The following LRRN3 variants were observed in gnomAD, a reference collection of about 807,000 sequenced individuals.
LRRN3 encodes the protein leucine-rich repeat neuronal protein 3.
LRRN3 carries 15 observed loss-of-function variants against 40.1 expected under a neutral mutation model. That is an observed-to-expected ratio of 0.37 (90% confidence interval 0.25 to 0.58). The LOEUF is 0.58. LRRN3 is among the 20% of genes least tolerant of loss of function. LRRN3 has a pLI of 0.72. For synonymous variants in LRRN3, 308 were observed against 297.2 expected, an observed-to-expected ratio of 1.04 and a Z score of -0.37; for missense variants, 746 against 837.7, an observed-to-expected ratio of 0.89 and a Z score of 1.35.
At chr7:111,111,325 T>G (rs1423649352) in intron 2 of LRRN3, among the ~76,000 whole-genome samples, 2 of 148,210 alleles carry the variant, frequency 1.3e-5, no homozygotes, top group African/African-American at 2.5e-5. Context: ...AAAAAAAAGT[T>G]AATGTTAGCA....
chr7:111,117,928 T>C (rs1013864577), intron 2 of LRRN3, among the ~76,000 whole-genome samples: 2 of 152,262 alleles, frequency 1.3e-5, no homozygotes, highest in Middle Eastern at 3.4e-3. Context: ...CACACTTTGT[T>C]CTTAAGCTTT....
chr7:111,111,409 C>G lies in LRRN3; in HGVS notation c.-358-11006C>G, dbSNP rs552093766. 1.8e-4 allele frequency among the ~76,000 whole-genome samples: 27 copies of G among 151,088 alleles called. No homozygotes were observed. In the East Asian group the frequency reaches 3.3e-3, roughly 19 times the overall value. ...AAATTACACTGCTTTCCATCCCCCC[C>G]CAAAAAAAAATGGCCCGTTAGTATT... On this transcript the variant is annotated intron_variant, in intron 2 of 2. Coordinates refer to ENST00000308478, the MANE Select transcript of LRRN3 (RefSeq NM_001099658.2).
At chr7:111,111,890 G>C (rs1799249533) in intron 2 of LRRN3, among the ~76,000 whole-genome samples, 1 of 147,524 alleles carries the variant, frequency 6.8e-6, no homozygotes, top group African/African-American at 2.5e-5. Context: ...ACAGGAAAAA[G>C]GAAATGCAAA....
chr7:111,099,276 C>T (rs979850293), intron 1 of LRRN3, among the ~76,000 whole-genome samples: 4 of 151,660 alleles, frequency 2.6e-5, no homozygotes, highest in Non-Finnish European at 4.4e-5. Context: ...AAATTTTAGA[C>T]ACTTTTTTCC....
chr7:111,101,800 A>T (rs1285917364), intron 2 of LRRN3, among the ~76,000 whole-genome samples: 1 of 151,428 alleles, frequency 6.6e-6, no homozygotes, highest in Admixed American at 6.6e-5. Context: ...GTAATAATGT[A>T]AGGCTGTGGT....
chr7:111,113,247 G>A (rs1203053404), intron 2 of LRRN3, among the ~76,000 whole-genome samples: 5 of 152,136 alleles, frequency 3.3e-5, no homozygotes, highest in Non-Finnish European at 7.4e-5. Flanking sequence ...TTTCTATTCT[G>A]TCAAACTGAG....
chr7:111,105,741 T>C (rs556019419), intron 2 of LRRN3, among the ~76,000 whole-genome samples: 151 of 151,938 alleles, frequency 9.9e-4, no homozygotes, highest in African/African-American at 3.4e-3. Context: ...GTACTAACAA[T>C]TTATGCAAAA....
chr7:111,097,905 AG>A lies in LRRN3; in HGVS notation c.-440-1972del, dbSNP rs371441739. On this transcript the variant is annotated intron_variant, in intron 1 of 2. Transcript: ENST00000308478. The stretch of plus-strand genomic sequence containing the variant: ...TATATTTTGATTTCTACAAAGGCCA[AG>A]GGGTTAATGACCTTAAACTGCAGGT... 2.1e-3 allele frequency among the ~76,000 whole-genome samples: 325 copies of A among 151,996 alleles called. 2 individuals are homozygous for A. The highest frequency in any genetic ancestry group is 7.3e-3 in the African/African-American group (304 of 41,528).
At chr7:111,100,099 C>T (rs886958894) in intron 2 of LRRN3, 137 bp downstream of exon 2, 6 of 151,538 alleles carry the variant, frequency 4.0e-5, no homozygotes, top group Non-Finnish European at 7.4e-5. Context: ...CTCTGAAGCC[C>T]ATGTTATGGT....
chr7:111,123,924 C>A lies in LRRN3; in HGVS notation c.1152C>A (p.Thr384=). ...TCCGTTGGATGAACATGAACAAAAC[C>A]AACATTCGATTCATGGAGCCAGATT... ...CVIRWMNMNK[T]NIRFMEPDSL... The change falls in exon 3 of 3, where the codon ACC becomes ACA. Residue 384 remains threonine (T), a synonymous_variant. Transcript: ENST00000308478. This position sits in a 1 kb window ranked among gnomAD's most constrained non-coding sequence, Gnocchi z 6.4. 1 of 1,613,948 alleles carries A rather than the reference C, an allele frequency of 6.2e-7. No homozygotes were observed. Among genetic ancestry groups the A allele is most frequent in the Non-Finnish European group, 8.5e-7 (1 of 1,179,982 alleles).
intron 1 of LRRN3, among the ~76,000 whole-genome samples, chr7:111,098,942 C>T (rs1447953237): frequency 6.6e-6 from 1 of 151,734 alleles, no homozygotes; most frequent in Non-Finnish European, 1.5e-5. Flanking sequence ...TCATATCATG[C>T]ATTCTGCTCA....
At chr7:111,117,286 G>GT (rs1563261269) in intron 2 of LRRN3, among the ~76,000 whole-genome samples, 1 of 152,116 alleles carries the variant, frequency 6.6e-6, no homozygotes, top group Non-Finnish European at 1.5e-5. Context: ...ATAGTATCAT[G>GT]TAAGTTTGGG....
At chr7:111,115,308 T>C (rs752397858) in intron 2 of LRRN3, among the ~76,000 whole-genome samples, 1 of 152,186 alleles carries the variant, frequency 6.6e-6, no homozygotes, top group African/African-American at 2.4e-5. Context: ...GACTTAAAAT[T>C]ATCATTTGTT....
chr7:111,107,812 G>A (rs1446103787), intron 2 of LRRN3, among the ~76,000 whole-genome samples: 2 of 151,964 alleles, frequency 1.3e-5, no homozygotes, highest in African/African-American at 2.4e-5. Flanking sequence ...CAAAGCTCTT[G>A]GTCAAGCTGT....
intron 1 of LRRN3, chr7:111,097,174 GA>G (rs1797489534): frequency 6.6e-6 from 1 of 151,840 alleles, no homozygotes. Context: ...CCAAAGGCCT[GA>G]AGCTCCTGGG....
At chr7:111,101,273 T>A (rs1473394438) in intron 2 of LRRN3, among the ~76,000 whole-genome samples, 1 of 151,512 alleles carries the variant, frequency 6.6e-6, no homozygotes, top group Non-Finnish European at 1.5e-5. Context: ...TCAATGACCA[T>A]GATATAGATA....
chr7:111,094,384 T>C (rs1292890268), intron 1 of LRRN3, among the ~76,000 whole-genome samples: 2 of 152,108 alleles, frequency 1.3e-5, no homozygotes, highest in Non-Finnish European at 2.9e-5. Context: ...AGTTCCTACT[T>C]CTAGCCTCAG....
intron 1 of LRRN3, among the ~76,000 whole-genome samples, chr7:111,095,901 C>G (rs1162186977): frequency 6.6e-6 from 1 of 151,882 alleles, no homozygotes; most frequent in Non-Finnish European, 1.5e-5. Context: ...CTCTCCCTCC[C>G]CTACCCCATC....
At chr7:111,112,041 G>C (rs1370176206) in intron 2 of LRRN3, among the ~76,000 whole-genome samples, 2 of 141,250 alleles carry the variant, frequency 1.4e-5, no homozygotes, top group Admixed American at 7.7e-5. Context: ...TCTGCCTCCT[G>C]GGTTCCGGTG....
Sources: gnomAD v4.1 joint callset for allele counts (sites outside exome capture counted in the v4.1 genomes callset) on GRCh38, gnomAD v4.1.1 for gene constraint, Gnocchi (gnomAD v3.1) non-coding constraint, MANE v1.5 for transcripts, NCBI Gene and HGNC (gene_info 2026-07-23, HGNC 2026-07-21) for gene names.